Variants in ASIC2 observed in about 807,000 individuals in gnomAD.
ASIC2 encodes the protein acid sensing ion channel subunit 2.
ASIC2 carries 25 observed loss-of-function variants against 57.3 expected under a neutral mutation model. That is an observed-to-expected ratio of 0.44 (90% CI 0.32 to 0.61). The LOEUF (loss-of-function observed/expected upper bound fraction) is 0.61. Ranked by LOEUF, ASIC2 falls within the 20% of genes least tolerant of loss-of-function variation. ASIC2 has a pLI of 0.06. For missense variants in ASIC2, 641 were observed against 738.1 expected, an observed-to-expected ratio of 0.87 and a Z score of 1.52; for synonymous variants, 319 against 307.5, an observed-to-expected ratio of 1.04 and a Z score of -0.39.
intron 1 of ASIC2, among the ~76,000 whole-genome samples, chr17:33,338,310 C>T (rs320637): frequency 0.67 from 102,587 of 151,984 alleles, 35,485 homozygotes; most frequent in East Asian, 0.97. Flanking sequence ...GGAGATGTTC[C>T]TTTCCATTGG....
At chr17:33,609,922 C>T (rs1905342546) in intron 1 of ASIC2, among the ~76,000 whole-genome samples, 1 of 152,048 alleles carries the variant, frequency 6.6e-6, no homozygotes, top group African/African-American at 2.4e-5. Flanking sequence ...ACCAGAGTCT[C>T]TCTAGCTGGC....
chr17:33,370,896 A>C (rs1023123665), intron 1 of ASIC2, among the ~76,000 whole-genome samples: 1 of 152,240 alleles, frequency 6.6e-6, no homozygotes, highest in Non-Finnish European at 1.5e-5. Context: ...TCCGCAGTGC[A>C]AAGCGAAAGC....
At chr17:34,039,981 G>T in intron 1 of ASIC2, 2 of 914,642 alleles carry the variant, frequency 2.2e-6, no homozygotes, top group South Asian at 3.1e-5. Flanking sequence ...CCGGGGCGGA[G>T]CCGGGGCCTC....
At chr17:33,100,125 G>A (rs927737480) in intron 2 of ASIC2, 1 of 152,300 alleles carries the variant, frequency 6.6e-6, no homozygotes, top group Admixed American at 6.5e-5. Context: ...GGTGGGGGAA[G>A]GCAGAGACTC....
At chr17:33,975,000 A>G (rs1390516067) in intron 1 of ASIC2, among the ~76,000 whole-genome samples, 1 of 152,048 alleles carries the variant, frequency 6.6e-6, no homozygotes, top group Non-Finnish European at 1.5e-5. Context: ...ATCTCTCCCC[A>G]CTAGAATGTA....
intron 1 of ASIC2, among the ~76,000 whole-genome samples, chr17:33,848,927 A>G (rs1466403688): frequency 6.6e-6 from 1 of 152,256 alleles, no homozygotes; most frequent in Non-Finnish European, 1.5e-5. Context: ...TTCTACAGCT[A>G]AGAAAAAGGA....
At chr17:34,116,104 A>T (rs1911417477) in intron 1 of ASIC2, among the ~76,000 whole-genome samples, 1 of 152,222 alleles carries the variant, frequency 6.6e-6, no homozygotes. Flanking sequence ...ACAAAGTCAC[A>T]GAGAAAACCG....
chr17:33,125,192 G>A (rs776438751), intron 1 of ASIC2, among the ~76,000 whole-genome samples: 6 of 152,216 alleles, frequency 3.9e-5, no homozygotes, highest in Non-Finnish European at 8.8e-5. Flanking sequence ...CACAACTTGA[G>A]GGCTTGGGTA....
intron 1 of ASIC2, among the ~76,000 whole-genome samples, chr17:33,814,159 C>T (rs190141189): frequency 6.3e-4 from 96 of 152,258 alleles, no homozygotes; most frequent in African/African-American, 1.5e-3. Flanking sequence ...ACTCTTTCCT[C>T]CCAGGAGATT....
chr17:33,634,526 T>C (rs976942377), intron 1 of ASIC2, among the ~76,000 whole-genome samples: 9 of 147,104 alleles, frequency 6.1e-5, no homozygotes, highest in Non-Finnish European at 1.1e-4. Flanking sequence ...TTTTTTTTTT[T>C]TTTTTTTGAG....
rs189173772 is a variant in ASIC2, at chr17:34,009,762, C to G, written c.555+146216G>C. Among the ~76,000 whole-genome samples, 164 of 152,308 alleles carry G rather than the reference C, an allele frequency of 1.1e-3. 2 individuals carry two copies. Among genetic ancestry groups the G allele is most frequent in the African/African-American group, 3.2e-3 (131 of 41,562 alleles). On this transcript the variant is annotated intron_variant, in intron 1 of 9. Coordinates refer to the ASIC2 transcript ENST00000359872. ...AGTTTAGATCAGCTCTTGCCCATCTCATTGGCAATGACCTGAATTTGGGGA... is the reference window on the plus strand; with the variant it reads ...AGTTTAGATCAGCTCTTGCCCATCTGATTGGCAATGACCTGAATTTGGGGA...
chr17:33,673,090 G>T (rs1055740295), intron 1 of ASIC2, among the ~76,000 whole-genome samples: 1 of 152,200 alleles, frequency 6.6e-6, no homozygotes, highest in Admixed American at 6.5e-5. Flanking sequence ...GAAATCAGGG[G>T]TGACCTCATA....
At chr17:33,431,193 C>G (rs1225946506) in intron 1 of ASIC2, among the ~76,000 whole-genome samples, 1 of 152,186 alleles carries the variant, frequency 6.6e-6, no homozygotes. Context: ...AAGGATGAAA[C>G]AGTCCAGACC....
In ASIC2 at chr17:33,021,217, A is replaced by T; in HGVS notation, c.1441+2T>A. On this transcript the variant is annotated splice_donor_variant, in intron 7 of 9. Coordinates refer to ENST00000225823, the MANE Select transcript of ASIC2 (RefSeq NM_183377.2). LOFTEE classifies it high-confidence loss of function. Reference sequence around the variant, plus strand: ...AAATTTGTGCAATAGACACTGACTTACCAAGTAAGGCAGCAACTTCATACG... The same window carrying T: ...AAATTTGTGCAATAGACACTGACTTTCCAAGTAAGGCAGCAACTTCATACG... 6.8e-7 allele frequency: 1 copy of T among 1,470,388 alleles called. No individual in the cohort carries two copies. The highest frequency in any genetic ancestry group is 9.2e-7 in the Non-Finnish European group (1 of 1,090,574). The allele number at this position is 1,470,388 out of a possible 1,614,324, so 91.1% of individuals were successfully genotyped here.
intron 3 of ASIC2, among the ~76,000 whole-genome samples, chr17:33,063,980 G>A (rs1308407378): frequency 1.3e-5 from 2 of 152,138 alleles, no homozygotes; most frequent in Admixed American, 6.5e-5. Flanking sequence ...CATTTGTCAC[G>A]TAGTTCTCGT....
intron 1 of ASIC2, chr17:33,581,187 G>A (rs1171413089): frequency 6.6e-6 from 1 of 152,216 alleles, no homozygotes; most frequent in Non-Finnish European, 1.5e-5. Flanking sequence ...TGAAGTCAGA[G>A]AGATTCAAAG....
At chr17:33,161,857 G>GTTTTTTTTT (rs199823485) in intron 1 of ASIC2, among the ~76,000 whole-genome samples, 1 of 94,200 alleles carries the variant, frequency 1.1e-5, no homozygotes, top group Non-Finnish European at 2.1e-5. Context: ...GAATTCCTAG[G>GTTTTTTTTT]TTTTTTTTTT....
intron 1 of ASIC2, among the ~76,000 whole-genome samples, chr17:33,912,158 A>C (rs1915482253): frequency 6.7e-6 from 1 of 149,956 alleles, no homozygotes; most frequent in African/African-American, 2.5e-5. Context: ...AAAAAAAAAA[A>C]AAAGCTGTGA....
At chr17:34,051,614 T>C (rs1431801841) in intron 1 of ASIC2, 1 of 152,208 alleles carries the variant, frequency 6.6e-6, no homozygotes, top group Non-Finnish European at 1.5e-5. Context: ...TGCTTTTGGA[T>C]TTCCTCAACC....
Sources: allele counts gnomAD v4.1 joint callset (sites outside exome capture counted in the v4.1 genomes callset), GRCh38; gene constraint gnomAD v4.1.1; transcripts MANE v1.5; gene names NCBI Gene and HGNC (gene_info 2026-07-23, HGNC 2026-07-21).